Variants in PLB1 observed in about 807,000 individuals in gnomAD.
PLB1 encodes the protein phospholipase B1.
In PLB1, 242 loss-of-function variants were observed where a neutral mutation model predicts 227.4. The ratio of observed to expected loss-of-function variants is 1.06; its 90% CI spans 0.96 to 1.18. The LOEUF (loss-of-function observed/expected upper bound fraction) is 1.18. Ranked by LOEUF, PLB1 falls within the 50% of genes most tolerant of loss-of-function variation. The pLI is 0.00. For synonymous variants in PLB1, 757 were observed against 682.2 expected, an observed-to-expected ratio of 1.11 and a Z score of -1.71; for missense variants, 1,858 against 1,816.3, an observed-to-expected ratio of 1.02 and a Z score of -0.42.
rs758798012 is a variant in PLB1 at position 28,565,347 on chromosome 2, C to T, written c.1274C>T (p.Ser425Phe). 8 of 1,607,104 alleles carry T rather than the reference C, an allele frequency of 5.0e-6. No homozygotes were observed. The highest frequency in any genetic ancestry group is 6.8e-6 in the Non-Finnish European group (8 of 1,177,032). The change falls in exon 19 of 58, where the codon TCC (serine) becomes TTC (phenylalanine). Residue 425 changes from serine to phenylalanine, a missense_variant. By Grantham distance (155) the Ser-to-Phe change is radical. Coordinates refer to ENST00000327757, the MANE Select transcript of PLB1 (RefSeq NM_153021.5). ...LDVLTQYRGL[S>F]WSVGGDENIG... Reference sequence around the variant, plus strand: ...GTCTTGACTCAGTACCGAGGCCTGTCCTGGAGGTGAGTGAGGGTGTGGCAA... The same window carrying T: ...GTCTTGACTCAGTACCGAGGCCTGTTCTGGAGGTGAGTGAGGGTGTGGCAA...
chr2:28,532,820 T>A (rs1237846864), intron 9 of PLB1, among the ~76,000 whole-genome samples: 4 of 152,254 alleles, frequency 2.6e-5, no homozygotes, highest in African/African-American at 7.2e-5. Context: ...ATCTTCCAAG[T>A]GCTTTGGCTT....
Position 28,604,642 on chromosome 2 carries a change from C to T in PLB1, c.2857-13C>T, listed in dbSNP as rs1684394407. 6.2e-7 allele frequency: 1 copy of T among 1,611,754 alleles called. No individual in the cohort carries two copies. Among genetic ancestry groups the T allele is most frequent in the Non-Finnish European group, 8.5e-7 (1 of 1,178,250 alleles). ...CAGGGCCTGGGCTGAAGACCCTGTG[C>T]ATGTGTCCCCAGAGCAGCATGCGCG... On this transcript the variant is annotated splice_polypyrimidine_tract_variant and intron_variant, in intron 40 of 57. Coordinates refer to ENST00000327757, the MANE Select transcript of PLB1 (RefSeq NM_153021.5).
At chr2:28,553,080 C>T (rs977153816) in intron 17 of PLB1, 89 bp downstream of exon 17, 66 of 1,140,748 alleles carry the variant, frequency 5.8e-5, no homozygotes, top group Non-Finnish European at 7.2e-5. Context: ...GAAATACTCC[C>T]GAGTGGTTTC....
At chr2:28,590,918 G>A (rs879814991) in intron 29 of PLB1, among the ~76,000 whole-genome samples, 8 of 152,182 alleles carry the variant, frequency 5.3e-5, no homozygotes, top group East Asian at 1.9e-4. Flanking sequence ...GCGCGTTCCC[G>A]TGAAGCATGA....
intron 49 of PLB1, 70 bp from the exon 50 acceptor site, chr2:28,624,987 C>A: frequency 6.9e-7 from 1 of 1,454,112 alleles, no homozygotes; most frequent in Non-Finnish European, 9.6e-7. Context: ...TCTTCCTAGG[C>A]CAAAATCCCA....
intron 35 of PLB1, among the ~76,000 whole-genome samples, chr2:28,600,097 A>G (rs1411835924): frequency 2.6e-5 from 4 of 151,794 alleles, no homozygotes; most frequent in Non-Finnish European, 5.9e-5. Context: ...TTTTGTAGAG[A>G]TGGGGTTTTA....
At chr2:28,496,251 G>A in intron 1 of PLB1, 82 bp downstream of exon 1, 1 of 1,355,246 alleles carries the variant, frequency 7.4e-7, no homozygotes, top group Non-Finnish European at 1.0e-6. Flanking sequence ...GGGTGTGTGA[G>A]AGGAGTGTGT....
intron 15 of PLB1, 119 bp from the exon 16 acceptor site, chr2:28,549,891 C>T: frequency 1.3e-6 from 1 of 749,686 alleles, no homozygotes; most frequent in Non-Finnish European, 2.2e-6. Flanking sequence ...TTGGTCCTCA[C>T]TGGAAGCGTG....
chr2:28,514,619 G>A (rs965152832), intron 1 of PLB1, among the ~76,000 whole-genome samples: 4 of 152,166 alleles, frequency 2.6e-5, no homozygotes, highest in African/African-American at 9.7e-5. Flanking sequence ...CAGCAGCAGA[G>A]TTGAGTAGTT....
intron 14 of PLB1, among the ~76,000 whole-genome samples, chr2:28,545,715 G>GTC (rs1243807245): frequency 6.6e-6 from 1 of 152,188 alleles, no homozygotes; most frequent in African/African-American, 2.4e-5. Flanking sequence ...GAGGGCGGGA[G>GTC]TCTCTGCCAC....
intron 20 of PLB1, among the ~76,000 whole-genome samples, chr2:28,571,594 G>C (rs2148253005): frequency 6.6e-6 from 1 of 152,266 alleles, no homozygotes; most frequent in Non-Finnish European, 1.5e-5. Context: ...CATGAGGATA[G>C]ACATATCGAA....
At chr2:28,637,616 G>A (rs543847479) in intron 56 of PLB1, among the ~76,000 whole-genome samples, 2 of 152,322 alleles carry the variant, frequency 1.3e-5, no homozygotes, top group South Asian at 4.1e-4. Flanking sequence ...GACTTGGCCT[G>A]GTTCACCTGA....
intron 41 of PLB1, among the ~76,000 whole-genome samples, chr2:28,605,021 C>T (rs758542998): frequency 6.6e-6 from 1 of 152,178 alleles, no homozygotes; most frequent in Non-Finnish European, 1.5e-5. Flanking sequence ...TCACATCTGC[C>T]TTTGGAAATG....
intron 54 of PLB1, among the ~76,000 whole-genome samples, chr2:28,631,687 G>A (rs796502615): frequency 1.3e-5 from 2 of 152,292 alleles, no homozygotes; most frequent in African/African-American, 4.8e-5. Flanking sequence ...TGAGAGGAGG[G>A]GAGGACTTTG....
rs368228522 is a variant in PLB1 at position 28,627,710 on chromosome 2, T to C, written c.3661-853T>C. ...TGCCCATCAGTGTGCTGGAATTGAG[T>C]GCACGGTATCTCACCTGGCCTCAGC... On this transcript the variant is annotated intron_variant, in intron 51 of 57. Coordinates refer to ENST00000327757, the MANE Select transcript of PLB1 (RefSeq NM_153021.5). Among the ~76,000 whole-genome samples the C allele has an allele frequency of 3.3e-3, 509 of 152,272 alleles. 2 individuals carry two copies. The highest frequency in any genetic ancestry group is 0.011 in the African/African-American group (475 of 41,554).
chr2:28,554,297 G>A (rs1044111030), intron 17 of PLB1, among the ~76,000 whole-genome samples: 9 of 124,736 alleles, frequency 7.2e-5, no homozygotes, highest in African/African-American at 2.4e-4. Flanking sequence ...ATAGATAGAT[G>A]TGTGTATATA....
At chr2:28,593,331 C>T (rs137942250) in intron 32 of PLB1, among the ~76,000 whole-genome samples, 29 of 152,348 alleles carry the variant, frequency 1.9e-4, no homozygotes, top group African/African-American at 6.5e-4. Flanking sequence ...TCATAAAGAA[C>T]GTAGGGGCAT....
At chr2:28,640,783 C>A in intron 56 of PLB1, 144 bp from the exon 57 acceptor site, 1 of 759,798 alleles carries the variant, frequency 1.3e-6, no homozygotes, top group Non-Finnish European at 2.1e-6. Flanking sequence ...TGGGTCCCTG[C>A]TGTGGGCCAA....
chr2:28,630,618 G>A lies in PLB1; in HGVS notation c.3851G>A (p.Ser1284Asn), dbSNP rs200820154. The A allele has an allele frequency of 6.2e-7, 1 of 1,613,730 alleles. No individual in the cohort carries two copies. Among genetic ancestry groups the A allele is most frequent in the Non-Finnish European group, 8.5e-7 (1 of 1,179,838 alleles). ...TGCACTTGCCTCAGACACTCGCAAA[G>A]CTCCCTGGAGAAGCAAGAACTGAAG... is the stretch of plus-strand genomic sequence containing the variant. ...NNCTCLRHSQ[S>N]SLEKQELKKV... Residue 1284 changes from serine to asparagine, a missense_variant, in exon 54 of 58, where the codon AGC becomes AAC. Coordinates refer to ENST00000327757, the MANE Select transcript of PLB1 (RefSeq NM_153021.5).
Sources: gnomAD v4.1 joint callset for allele counts (sites outside exome capture counted in the v4.1 genomes callset) on GRCh38, gnomAD v4.1.1 for gene constraint, MANE v1.5 for transcripts, NCBI Gene and HGNC (gene_info 2026-07-23, HGNC 2026-07-21) for gene names.